FOCAD: variants seen among roughly 807,000 people sequenced by gnomAD.
FOCAD encodes focadhesin.
In FOCAD, 198 loss-of-function variants were observed where a neutral mutation model predicts 225.6. The observed-to-expected ratio is 0.88, with a 90% CI of 0.78 to 0.99. FOCAD has a LOEUF of 0.99. FOCAD is among the 50% of genes least tolerant of loss of function. The pLI is 0.00. For missense variants in FOCAD, 2,713 were observed against 2,123.6 expected, an observed-to-expected ratio of 1.28 and a Z score of -5.46; for synonymous variants, 897 against 755.0, an observed-to-expected ratio of 1.19 and a Z score of -3.08.
rs1399051638 is a variant in FOCAD, at chr9:20,820,803, C to T, written c.1663-138C>T. 11 of 926,472 alleles carry T rather than the reference C, an allele frequency of 1.2e-5. No individual in the cohort carries two copies. The African/African-American group carries it at 1.7e-4, about 14-fold the overall frequency. 57.4% of individuals were successfully genotyped at this position (926,472 alleles called of 1,614,324 possible). ...CCCCAGTAATCACTATAGCAATCTTCTCTGCTGATTAGAAGAACGACAGTA... is the reference window on the plus strand; with the variant it reads ...CCCCAGTAATCACTATAGCAATCTTTTCTGCTGATTAGAAGAACGACAGTA... On this transcript the variant is annotated intron_variant, in intron 13 of 43. Coordinates refer to ENST00000338382, the MANE Select transcript of FOCAD (RefSeq NM_001375567.1).
At chr9:20,962,629 G>T (rs1038037159) in intron 35 of FOCAD, among the ~76,000 whole-genome samples, 2 of 152,140 alleles carry the variant, frequency 1.3e-5, no homozygotes, top group African/African-American at 4.8e-5. Context: ...TTGTGGCATT[G>T]AGATCTGATC....
chr9:20,687,236 T>G (rs1822722571), intron 1 of FOCAD, among the ~76,000 whole-genome samples: 1 of 152,178 alleles, frequency 6.6e-6, no homozygotes, highest in Admixed American at 6.5e-5. Context: ...AGTCAGTTTA[T>G]TACTATTATT....
At chr9:20,692,343 A>G (rs1236717256) in intron 1 of FOCAD, among the ~76,000 whole-genome samples, 4 of 152,122 alleles carry the variant, frequency 2.6e-5, no homozygotes, top group African/African-American at 9.7e-5. Context: ...TACTTTGGAA[A>G]GTGTGTTGGC....
At chr9:20,879,741 G>C (rs1459094045) in intron 19 of FOCAD, among the ~76,000 whole-genome samples, 3 of 152,208 alleles carry the variant, frequency 2.0e-5, no homozygotes, top group Non-Finnish European at 4.4e-5. Context: ...TTTACGGGAA[G>C]ATGAAGCTCT....
In FOCAD at chr9:20,764,826, G is replaced by A. The variant is rs1400255053; in HGVS notation, c.495-43G>A. On this transcript the variant is annotated intron_variant, in intron 6 of 43. Coordinates refer to ENST00000338382, the MANE Select transcript of FOCAD (RefSeq NM_001375567.1). ...ATTTGCCACTTACCTGCTTGATAGT[G>A]TGTTTAACTCAATAACTGGCTAATG... 3.4e-6 allele frequency: 5 copies of A among 1,479,150 alleles called. No individual in the cohort carries two copies. In the South Asian group the frequency reaches 5.9e-5, roughly 17 times the overall value. The allele number at this position is 1,479,150 out of a possible 1,614,324, so 91.6% of individuals were successfully genotyped here. A position where few individuals can be genotyped will look rare whatever the true frequency, so the allele number is the denominator to read the frequency against.
intron 1 of FOCAD, among the ~76,000 whole-genome samples, chr9:20,696,674 G>T (rs529221466): frequency 6.6e-6 from 1 of 152,114 alleles, no homozygotes; most frequent in South Asian, 2.1e-4. Context: ...GCATGGTGGC[G>T]CAAGCCTGTA....
intron 4 of FOCAD, among the ~76,000 whole-genome samples, chr9:20,724,025 G>T (rs1040914347): frequency 3.9e-5 from 6 of 152,166 alleles, no homozygotes; most frequent in Non-Finnish European, 8.8e-5. Flanking sequence ...CAGATCTCAT[G>T]TGAACTAACT....
At chr9:20,966,886 G>A (rs1383424223) in intron 35 of FOCAD, among the ~76,000 whole-genome samples, 1 of 152,048 alleles carries the variant, frequency 6.6e-6, no homozygotes, top group African/African-American at 2.4e-5. Context: ...TGGTCTATAT[G>A]TCTGTCTTTA....
intron 19 of FOCAD, among the ~76,000 whole-genome samples, chr9:20,879,883 A>T (rs970060803): frequency 1.3e-5 from 2 of 152,192 alleles, no homozygotes; most frequent in African/African-American, 4.8e-5. Flanking sequence ...GGGTTAGTCT[A>T]TGTGCAGATA....
At chr9:20,909,827 A>G (rs1286150756) in intron 22 of FOCAD, among the ~76,000 whole-genome samples, 1 of 151,950 alleles carries the variant, frequency 6.6e-6, no homozygotes, top group Non-Finnish European at 1.5e-5. Flanking sequence ...CAACTGCCAG[A>G]CTCCTTGTCT....
In FOCAD at chr9:20,691,775, C is replaced by T. The variant is rs537860776; in HGVS notation, c.-33+7482C>T. Among the ~76,000 whole-genome samples, 10 of 139,748 alleles carry T rather than the reference C, an allele frequency of 7.2e-5. No homozygotes were observed. In the East Asian group the frequency reaches 1.1e-3, roughly 15 times the overall value. 91.7% of individuals were successfully genotyped at this position (139,748 alleles called of 152,430 possible). On this transcript the variant is annotated intron_variant, in intron 1 of 43. Transcript: ENST00000338382. ...GATTATAGGCATGAGCCACCAAGCCCGGCCAATTTATTTTTTGAGATGGAG... is the reference window on the plus strand; with the variant it reads ...GATTATAGGCATGAGCCACCAAGCCTGGCCAATTTATTTTTTGAGATGGAG...
chr9:20,929,688 C>T, intron 27 of FOCAD, 92 bp downstream of exon 27: 1 of 1,002,576 alleles, frequency 1.0e-6, no homozygotes, highest in Non-Finnish European at 1.5e-6. Context: ...AACATTGTAT[C>T]TGAGCAATAT....
At position 20,783,052 on chromosome 9, in the gene FOCAD, A is replaced by G. The variant is rs146659553; in HGVS notation, c.1197+1123A>G. On this transcript the variant is annotated intron_variant, in intron 10 of 43. Transcript: ENST00000338382. Reference sequence around the variant, plus strand: ...ACTTTACCTCTTGGTTTGCCCATGTAGAACAATGATTGGATCTTGAATGGG... The same window carrying G: ...ACTTTACCTCTTGGTTTGCCCATGTGGAACAATGATTGGATCTTGAATGGG... 5.0e-3 allele frequency among the ~76,000 whole-genome samples: 760 copies of G among 152,316 alleles called. 10 individuals carry two copies. Among genetic ancestry groups the G allele is most frequent in the African/African-American group, 0.015 (621 of 41,570 alleles).
chr9:20,767,767 T>C (rs1281736857), intron 7 of FOCAD, among the ~76,000 whole-genome samples: 1 of 147,600 alleles, frequency 6.8e-6, no homozygotes, highest in African/African-American at 2.5e-5. Context: ...TTCTCCCATT[T>C]TGTAGGTTGC....
chr9:20,876,456 G>A (rs192009473), intron 19 of FOCAD, among the ~76,000 whole-genome samples: 1 of 152,222 alleles, frequency 6.6e-6, no homozygotes, highest in African/African-American at 2.4e-5. Flanking sequence ...TTGCCAAGGG[G>A]TGCTGTTGTT....
At chr9:20,775,597 C>G (rs1172692319) in intron 8 of FOCAD, among the ~76,000 whole-genome samples, 1 of 152,182 alleles carries the variant, frequency 6.6e-6, no homozygotes, top group Admixed American at 6.5e-5. Flanking sequence ...TTGTCTGCTA[C>G]CTTCTCATGC....
At chr9:20,855,572 C>A (rs998193157) in intron 15 of FOCAD, among the ~76,000 whole-genome samples, 2 of 151,626 alleles carry the variant, frequency 1.3e-5, no homozygotes, top group African/African-American at 4.8e-5. Flanking sequence ...GTATCCATCA[C>A]CTCAAGCATT....
At chr9:20,868,408 T>A (rs1829473965) in intron 18 of FOCAD, among the ~76,000 whole-genome samples, 1 of 152,136 alleles carries the variant, frequency 6.6e-6, no homozygotes, top group East Asian at 1.9e-4. Context: ...CTCTACTTTT[T>A]AAAATATTGA....
intron 28 of FOCAD, among the ~76,000 whole-genome samples, chr9:20,937,172 C>G (rs1836063333): frequency 6.7e-6 from 1 of 150,182 alleles, no homozygotes; most frequent in Non-Finnish European, 1.5e-5. Context: ...TTTACAGATT[C>G]AATGCCATCC....
Sources: allele counts gnomAD v4.1 joint callset (sites outside exome capture counted in the v4.1 genomes callset), GRCh38; gene constraint gnomAD v4.1.1; transcripts MANE v1.5; gene names NCBI Gene and HGNC (gene_info 2026-07-23, HGNC 2026-07-21).